Variants in PSMB7 observed in about 807,000 individuals in gnomAD.
The protein encoded by PSMB7 is proteasome 20S subunit beta 7.
PSMB7 carries 5 observed loss-of-function variants against 28.1 expected under a neutral mutation model. That is an observed-to-expected ratio of 0.18 (90% CI 0.09 to 0.37). The LOEUF (loss-of-function observed/expected upper bound fraction) is 0.37, where lower values mean the gene tolerates loss of function less well. PSMB7 is among the 10% of genes least tolerant of loss of function. The probability of loss-of-function intolerance (pLI) is 1.00; values close to 1 mark genes in which losing one functional copy is unlikely to be tolerated. For missense variants in PSMB7, 275 were observed against 346.2 expected (o/e 0.79, Z 1.63); for synonymous variants, 122 against 123.7 (o/e 0.99, Z 0.09).
At chr9:124,397,311 AAAG>A (rs1403822850) in intron 5 of PSMB7, among the ~76,000 whole-genome samples, 13 of 152,238 alleles carry the variant, frequency 8.5e-5, no homozygotes, top group East Asian at 5.8e-4. Context: ...TGATGTTCAC[AAAG>A]AAGGTTTTAG....
At chr9:124,400,396 G>A (rs1830890234) in intron 5 of PSMB7, among the ~76,000 whole-genome samples, 1 of 152,216 alleles carries the variant, frequency 6.6e-6, no homozygotes, top group African/African-American at 2.4e-5. Flanking sequence ...TTTGGCAATA[G>A]CTCTCAAAAG....
chr9:124,373,788 G>A (rs1267656542), intron 6 of PSMB7, among the ~76,000 whole-genome samples: 1 of 152,162 alleles, frequency 6.6e-6, no homozygotes, highest in East Asian at 1.9e-4. Context: ...TATAGAAATC[G>A]AAACCTTCAC....
At chr9:124,404,849 T>C (rs1423914217) in intron 5 of PSMB7, among the ~76,000 whole-genome samples, 2 of 151,948 alleles carry the variant, frequency 1.3e-5, no homozygotes, top group Non-Finnish European at 2.9e-5. Context: ...CAAAACTCCA[T>C]CTCAAAAAAG....
chr9:124,411,620 C>G (rs951392734), intron 4 of PSMB7, among the ~76,000 whole-genome samples: 20 of 152,250 alleles, frequency 1.3e-4, no homozygotes, highest in Non-Finnish European at 1.3e-4. Flanking sequence ...AGAAAACACA[C>G]TTTGAAAACT....
At chr9:124,354,706 T>C (rs1830380418) in intron 7 of PSMB7, among the ~76,000 whole-genome samples, 1 of 152,220 alleles carries the variant, frequency 6.6e-6, no homozygotes, top group African/African-American at 2.4e-5. Flanking sequence ...AAAGTACCTT[T>C]GAACAATGTG....
intron 5 of PSMB7, among the ~76,000 whole-genome samples, chr9:124,387,042 T>C (rs749344989): frequency 4.6e-5 from 7 of 152,094 alleles, no homozygotes; most frequent in South Asian, 2.1e-4. Context: ...GTGAGGAGAT[T>C]GAGACCATCC....
chr9:124,367,588 G>A (rs1457503746), intron 6 of PSMB7, among the ~76,000 whole-genome samples: 3 of 152,074 alleles, frequency 2.0e-5, no homozygotes, highest in Non-Finnish European at 4.4e-5. Flanking sequence ...GGCGGGGGAG[G>A]CAATGCTTGA....
At chr9:124,388,672 G>A (rs2131165366) in intron 5 of PSMB7, among the ~76,000 whole-genome samples, 1 of 152,216 alleles carries the variant, frequency 6.6e-6, no homozygotes, top group South Asian at 2.1e-4. Context: ...CCATGACCAG[G>A]TTTCTACCTC....
chr9:124,414,991 T>C, intron 1 of PSMB7, 56 bp from the exon 2 acceptor site: 1 of 1,251,552 alleles, frequency 8.0e-7, no homozygotes, highest in Non-Finnish European at 1.1e-6. Context: ...CGCACAGCAC[T>C]GGCATGAAAA....
chr9:124,384,727 G>A, intron 5 of PSMB7, 71 bp from the exon 6 acceptor site: 2 of 1,474,598 alleles, frequency 1.4e-6, no homozygotes, highest in African/African-American at 1.4e-5. Flanking sequence ...TTTACCTAGG[G>A]GCAAGAAAAA....
At chr9:124,372,616 G>T (rs1215274947) in intron 6 of PSMB7, among the ~76,000 whole-genome samples, 1 of 152,082 alleles carries the variant, frequency 6.6e-6, no homozygotes, top group South Asian at 2.1e-4. Flanking sequence ...AATTAAATGG[G>T]AGTAAGTCAC....
At chr9:124,383,534 AAGG>A (rs1172801490) in intron 6 of PSMB7, 1 of 152,200 alleles carries the variant, frequency 6.6e-6, no homozygotes, top group East Asian at 1.9e-4. Context: ...TCCAAACCTA[AAGG>A]GCAGAGAGAG....
intron 3 of PSMB7, among the ~76,000 whole-genome samples, chr9:124,412,961 T>C (rs1032146492): frequency 1.3e-5 from 2 of 151,674 alleles, no homozygotes; most frequent in Admixed American, 1.3e-4. Context: ...TACACAGTAA[T>C]AGCATAGGTA....
At chr9:124,402,227 CA>C (rs1830917821) in intron 5 of PSMB7, among the ~76,000 whole-genome samples, 1 of 152,252 alleles carries the variant, frequency 6.6e-6, no homozygotes, top group Non-Finnish European at 1.5e-5. Context: ...ACCCGGAACT[CA>C]AATGAGACTT....
chr9:124,381,963 A>C (rs1011339456), intron 6 of PSMB7, among the ~76,000 whole-genome samples: 11 of 152,060 alleles, frequency 7.2e-5, no homozygotes, highest in African/African-American at 2.7e-4. Context: ...CCTTCACCTT[A>C]ATAAAGTGAT....
At chr9:124,413,153 CAAA>C (rs61132576) in intron 3 of PSMB7, among the ~76,000 whole-genome samples, 2 of 47,252 alleles carry the variant, frequency 4.2e-5, no homozygotes, top group Non-Finnish European at 3.8e-5. Flanking sequence ...GCATCTCTCC[CAAA>C]AAAAAAAAAA....
At chr9:124,385,959 T>C (rs549352500) in intron 5 of PSMB7, among the ~76,000 whole-genome samples, 1 of 152,168 alleles carries the variant, frequency 6.6e-6, no homozygotes, top group East Asian at 1.9e-4. Flanking sequence ...CCGATGAATA[T>C]GACAGATACT....
chr9:124,371,478 G>A (rs1348577631), intron 6 of PSMB7, among the ~76,000 whole-genome samples: 1 of 152,170 alleles, frequency 6.6e-6, no homozygotes, highest in East Asian at 1.9e-4. Context: ...TGTTCAATAA[G>A]TGGTTATGAT....
At chr9:124,353,961 C>G (rs1179494175) in intron 7 of PSMB7, among the ~76,000 whole-genome samples, 3 of 152,108 alleles carry the variant, frequency 2.0e-5, no homozygotes, top group Non-Finnish European at 2.9e-5. Flanking sequence ...ACACGTGACT[C>G]TCCCCCCACC....
Sources: gnomAD v4.1 joint callset for allele counts (sites outside exome capture counted in the v4.1 genomes callset) on GRCh38, gnomAD v4.1.1 for gene constraint, MANE v1.5 for transcripts, NCBI Gene and HGNC (gene_info 2026-07-23, HGNC 2026-07-21) for gene names.